TTC29: variants seen among roughly 807,000 people sequenced by gnomAD.
The protein encoded by TTC29 is tetratricopeptide repeat domain 29, also known as tetratricopeptide repeat protein 29.
In TTC29, 49 loss-of-function variants were observed where a neutral mutation model predicts 58.1. That is an observed-to-expected ratio of 0.84 (90% CI 0.67 to 1.07). The LOEUF is 1.07. TTC29 is among the 50% of genes least tolerant of loss of function. The probability of loss-of-function intolerance (pLI) is 0.00; values close to 1 mark genes in which losing one functional copy is unlikely to be tolerated. For synonymous variants in TTC29, 209 were observed against 196.8 expected (o/e 1.06, Z -0.52); for missense variants, 582 against 555.6 (o/e 1.05, Z -0.48).
intron 4 of TTC29, among the ~76,000 whole-genome samples, chr4:146,937,195 G>T (rs1047547011): frequency 6.6e-6 from 1 of 151,968 alleles, no homozygotes; most frequent in East Asian, 1.9e-4. Flanking sequence ...GGGTGGAAAA[G>T]GAGACATATT....
chr4:146,935,543 A>C (rs1024166033), intron 4 of TTC29, among the ~76,000 whole-genome samples: 3 of 152,204 alleles, frequency 2.0e-5, no homozygotes, highest in African/African-American at 7.2e-5. Context: ...AGCCAAACTC[A>C]AAATCTATTT....
chr4:146,756,513 G>A (rs1746460910), intron 11 of TTC29, among the ~76,000 whole-genome samples: 1 of 152,218 alleles, frequency 6.6e-6, no homozygotes, highest in African/African-American at 2.4e-5. Flanking sequence ...TAAGAGTAAA[G>A]GCATAGTTCT....
At chr4:146,905,889 A>T (rs1165880221) in intron 5 of TTC29, among the ~76,000 whole-genome samples, 1 of 152,200 alleles carries the variant, frequency 6.6e-6, no homozygotes, top group Non-Finnish European at 1.5e-5. Flanking sequence ...TTTGGCCAGA[A>T]AATTGTTTTG....
rs191724643 is a variant in TTC29, at chr4:146,872,455, C to T, written c.799+2261G>A. Among the ~76,000 whole-genome samples the T allele has an allele frequency of 2.9e-3, 437 of 151,800 alleles. 3 individuals are homozygous for T. Among genetic ancestry groups the T allele is most frequent in the Admixed American group, 0.012 (183 of 15,228 alleles). On this transcript the variant is annotated intron_variant, in intron 7 of 12. Transcript: ENST00000325106. Reference sequence around the variant, plus strand: ...ACCATCAGGAAGTGAAAATAAAACCCACAGAATAGGAGAAAATATTTTCAA... The same window carrying T: ...ACCATCAGGAAGTGAAAATAAAACCTACAGAATAGGAGAAAATATTTTCAA...
At chr4:146,838,816 C>A (rs1034848068) in intron 8 of TTC29, among the ~76,000 whole-genome samples, 2 of 151,944 alleles carry the variant, frequency 1.3e-5, no homozygotes, top group Non-Finnish European at 2.9e-5. Context: ...TATTTCTCAC[C>A]CCACTGCAAT....
At chr4:146,710,717 G>A (rs190573849) in intron 11 of TTC29, among the ~76,000 whole-genome samples, 29 of 152,216 alleles carry the variant, frequency 1.9e-4, no homozygotes, top group Non-Finnish European at 2.5e-4. Context: ...ACAGCATGTT[G>A]AAGTGTGATA....
At chr4:146,829,898 GT>G in intron 9 of TTC29, among the ~76,000 whole-genome samples, 1 of 152,180 alleles carries the variant, frequency 6.6e-6, no homozygotes, top group African/African-American at 2.4e-5. Flanking sequence ...AATAATCTGA[GT>G]ATTTTGGAAA....
intron 11 of TTC29, among the ~76,000 whole-genome samples, chr4:146,748,497 C>T (rs922031507): frequency 1.4e-4 from 22 of 152,176 alleles, no homozygotes; most frequent in Admixed American, 9.2e-4. Flanking sequence ...CAAGAGCAAT[C>T]CCCTCAGGTA....
chr4:146,918,838 C>T (rs758215446), intron 4 of TTC29, among the ~76,000 whole-genome samples: 4 of 151,150 alleles, frequency 2.6e-5, no homozygotes, highest in East Asian at 1.9e-4. Flanking sequence ...CGGTAGCTGT[C>T]GCACAGCACT....
intron 5 of TTC29, among the ~76,000 whole-genome samples, chr4:146,904,679 C>A (rs1733403712): frequency 6.6e-6 from 1 of 152,032 alleles, no homozygotes; most frequent in Non-Finnish European, 1.5e-5. Flanking sequence ...GTTACCCTTC[C>A]AATAATTTTT....
At chr4:146,884,948 AAG>A (rs1408905283) in intron 6 of TTC29, among the ~76,000 whole-genome samples, 18 of 152,242 alleles carry the variant, frequency 1.2e-4, no homozygotes, top group African/African-American at 3.1e-4. Context: ...AATAGAAAAT[AAG>A]AGTTATTTAA....
chr4:146,902,062 G>A (rs1733186232), intron 6 of TTC29, among the ~76,000 whole-genome samples: 1 of 152,166 alleles, frequency 6.6e-6, no homozygotes, highest in African/African-American at 2.4e-5. Context: ...AGATTGCACT[G>A]CAGTGGAATA....
At chr4:146,847,967 A>G (rs144464598) in intron 8 of TTC29, among the ~76,000 whole-genome samples, 74 of 152,346 alleles carry the variant, frequency 4.9e-4, no homozygotes, top group African/African-American at 1.7e-3. Flanking sequence ...TGCGTTTAAC[A>G]GTGTGGACTG....
intron 4 of TTC29, among the ~76,000 whole-genome samples, chr4:146,916,555 A>G (rs980266796): frequency 1.3e-5 from 2 of 151,690 alleles, no homozygotes; most frequent in Non-Finnish European, 3.0e-5. Flanking sequence ...TAAGATTTTT[A>G]GAATTCTTAA....
rs573709938 is a variant in TTC29 at position 146,750,908 on chromosome 4, A to G, written c.1331-43357T>C. Reference sequence around the variant, plus strand: ...GAATGTAAATGGATTAAATTATCCAATCAAAAGATACAGAGTGGCTAAATG... The same window carrying G: ...GAATGTAAATGGATTAAATTATCCAGTCAAAAGATACAGAGTGGCTAAATG... On this transcript the variant is annotated intron_variant, in intron 11 of 12. Transcript: ENST00000325106. 2.6e-5 allele frequency among the ~76,000 whole-genome samples: 4 copies of G among 152,372 alleles called. No individual in the cohort carries two copies. In the East Asian group the frequency reaches 5.8e-4, roughly 22 times the overall value.
intron 11 of TTC29, among the ~76,000 whole-genome samples, chr4:146,764,672 C>T (rs775270415): frequency 3.2e-4 from 49 of 151,996 alleles, no homozygotes; most frequent in Non-Finnish European, 5.4e-4. Flanking sequence ...TCTATTTCAT[C>T]GCTTGTACTT....
At chr4:146,914,195 AG>A in intron 4 of TTC29, among the ~76,000 whole-genome samples, 1 of 152,290 alleles carries the variant, frequency 6.6e-6, no homozygotes, top group East Asian at 1.9e-4. Context: ...TCTAAAAAAA[AG>A]GAATGTCAAT....
intron 9 of TTC29, among the ~76,000 whole-genome samples, chr4:146,828,472 T>G (rs2150151304): frequency 6.6e-6 from 1 of 152,158 alleles, no homozygotes; most frequent in Admixed American, 6.5e-5. Context: ...CTTCAAAACC[T>G]TAGGGAAAAT....
At position 146,841,311 on chromosome 4, in the gene TTC29, A is replaced by G. The variant is rs549140156; in HGVS notation, c.886-7414T>C. Among the ~76,000 whole-genome samples, 15 of 152,162 alleles carry G rather than the reference A, an allele frequency of 9.9e-5. No individual in the cohort carries two copies. The South Asian group carries it at 3.1e-3, about 32-fold the overall frequency. ...TGTGCCTAGGGAAAGGAGAGGAAGT[A>G]TTTTTCTTTCTCCCTCTGGCACAGC... On this transcript the variant is annotated intron_variant, in intron 8 of 12. Coordinates refer to ENST00000325106, the MANE Select transcript of TTC29 (RefSeq NM_031956.4).
Sources: allele counts gnomAD v4.1 joint callset (sites outside exome capture counted in the v4.1 genomes callset), GRCh38; gene constraint gnomAD v4.1.1; transcripts MANE v1.5; gene names NCBI Gene and HGNC (gene_info 2026-07-23, HGNC 2026-07-21).